YIPF4: variants seen among roughly 807,000 people sequenced by gnomAD.
YIPF4 encodes Yip1 domain family member 4.
In YIPF4, 18 loss-of-function variants were observed where a neutral mutation model predicts 29.4. The ratio of observed to expected loss-of-function variants is 0.61; its 90% CI spans 0.42 to 0.91. The LOEUF (loss-of-function observed/expected upper bound fraction) is 0.91, where lower values mean the gene tolerates loss of function less well. YIPF4 is among the 40% of genes least tolerant of loss of function. The pLI, the probability that YIPF4 is intolerant of heterozygous loss-of-function variation, is 0.00. For missense variants in YIPF4, 279 were observed against 282.7 expected, an observed-to-expected ratio of 0.99 and a Z score of 0.09; for synonymous variants, 115 against 104.7, an observed-to-expected ratio of 1.10 and a Z score of -0.60.
At chr2:32,282,577 C>T (rs1025092180) in intron 1 of YIPF4, among the ~76,000 whole-genome samples, 2 of 151,982 alleles carry the variant, frequency 1.3e-5, no homozygotes, top group East Asian at 2.0e-4. Flanking sequence ...GGATTACAGG[C>T]TCGCGCCACC....
intron 1 of YIPF4, among the ~76,000 whole-genome samples, chr2:32,283,262 A>G (rs1315917641): frequency 6.6e-6 from 1 of 151,748 alleles, no homozygotes; most frequent in Admixed American, 6.6e-5. Flanking sequence ...TTACTGTACA[A>G]CTCCGGGTCT....
chr2:32,292,364 T>C lies in YIPF4; in HGVS notation c.405+16T>C, dbSNP rs149471489. 421 of 1,462,742 alleles carry C rather than the reference T, an allele frequency of 2.9e-4. 3 individuals carry two copies. The African/African-American group carries it at 5.0e-3, about 18-fold the overall frequency. The allele number at this position is 1,462,742 out of a possible 1,614,324, so 90.6% of individuals were successfully genotyped here. A position where few individuals can be genotyped will look rare whatever the true frequency, so the allele number is the denominator to read the frequency against. On this transcript the variant is annotated intron_variant, in intron 3 of 5. Coordinates refer to ENST00000238831, the MANE Select transcript of YIPF4 (RefSeq NM_032312.4). ...ACAGTTTAGGGTAAGTATATCTTATTTTATACAAATTCTAAATATTTTGAG... is the reference window on the plus strand; with the variant it reads ...ACAGTTTAGGGTAAGTATATCTTATCTTATACAAATTCTAAATATTTTGAG...
At position 32,303,418 on chromosome 2, in the gene YIPF4, A is replaced by G. The variant is rs188408234; in HGVS notation, c.597+1923A>G. Among the ~76,000 whole-genome samples, 6 of 152,310 alleles carry G rather than the reference A, an allele frequency of 3.9e-5. No homozygotes were observed. In the East Asian group the frequency reaches 1.2e-3, roughly 29 times the overall value. On this transcript the variant is annotated intron_variant, in intron 5 of 5. Coordinates refer to ENST00000238831, the MANE Select transcript of YIPF4 (RefSeq NM_032312.4). ...TCAAGCTGTTGTTATTACAAATATT[A>G]TAAAATAGGCCAGGTATGGTGGCTT...
intron 3 of YIPF4, among the ~76,000 whole-genome samples, chr2:32,294,736 A>G (rs1485295095): frequency 6.6e-6 from 1 of 152,210 alleles, no homozygotes; most frequent in African/African-American, 2.4e-5. Flanking sequence ...TGGAGGTTGT[A>G]GCGAGCCGAG....
At chr2:32,286,484 C>G (rs965937507) in intron 1 of YIPF4, among the ~76,000 whole-genome samples, 6 of 151,966 alleles carry the variant, frequency 3.9e-5, no homozygotes, top group African/African-American at 1.5e-4. Context: ...CTACTAAAAC[C>G]ATAAACCAGA....
chr2:32,306,071 A>T lies in YIPF4; in HGVS notation c.*445A>T. On this transcript the variant is annotated 3_prime_UTR_variant, in exon 6 of 6. Transcript: ENST00000238831. ...TATTTATATTTATACATATATATTT[A>T]TGAAATAATTCTTACTCACAAAATA... 1.2e-6 allele frequency: 1 copy of T among 807,750 alleles called. No homozygotes were observed. The highest frequency in any genetic ancestry group is 1.5e-6 in the Non-Finnish European group (1 of 668,198). The allele number at this position is 807,750 out of a possible 1,614,324, so 50.0% of individuals were successfully genotyped here.
intron 1 of YIPF4, among the ~76,000 whole-genome samples, chr2:32,279,181 T>C (rs950094889): frequency 6.6e-6 from 1 of 151,640 alleles, no homozygotes; most frequent in African/African-American, 2.4e-5. Context: ...GTGTTAGCCA[T>C]GATGGTCTCT....
chr2:32,294,912 C>CA (rs1191476690), intron 3 of YIPF4, among the ~76,000 whole-genome samples: 1 of 152,228 alleles, frequency 6.6e-6, no homozygotes, highest in Non-Finnish European at 1.5e-5. Context: ...CAAAAAAATA[C>CA]AAAAACCAGT....
Position 32,311,644 on chromosome 2 carries a change from T to A in YIPF4, c.*6018T>A, listed in dbSNP as rs1486250364. 6.6e-6 allele frequency: 1 copy of A among 152,238 alleles called. No homozygotes were observed. Among genetic ancestry groups the A allele is most frequent in the Non-Finnish European group, 1.5e-5 (1 of 68,036 alleles). The allele number at this position is 152,238 out of a possible 1,614,324, so 9.4% of individuals were successfully genotyped here. A position where few individuals can be genotyped will look rare whatever the true frequency, so the allele number is the denominator to read the frequency against. On this transcript the variant is annotated 3_prime_UTR_variant, in exon 6 of 6. Transcript: ENST00000238831. ...TTGTAATTAGTGTATATACAAGTTG[T>A]TAATACTTACGAAAAAAGGAAGCAT...
chr2:32,306,423 T>C lies in YIPF4; in HGVS notation c.*797T>C. The C allele has an allele frequency of 1.0e-6, 1 of 984,308 alleles. No individual in the cohort carries two copies. Among genetic ancestry groups the C allele is most frequent in the Non-Finnish European group, 1.2e-6 (1 of 828,570 alleles). 61.0% of individuals were successfully genotyped at this position (984,308 alleles called of 1,614,324 possible). A position where few individuals can be genotyped will look rare whatever the true frequency, so the allele number is the denominator to read the frequency against. ...ATATGGCATTCATTAAAATCTTTAC[T>C]ATGTACAAAAACAGTAATATTTACA... On this transcript the variant is annotated 3_prime_UTR_variant, in exon 6 of 6. Coordinates refer to ENST00000238831, the MANE Select transcript of YIPF4 (RefSeq NM_032312.4).
chr2:32,299,042 T>G (rs2031300083), intron 4 of YIPF4, among the ~76,000 whole-genome samples: 1 of 152,000 alleles, frequency 6.6e-6, no homozygotes, highest in South Asian at 2.1e-4. Flanking sequence ...CCTGCCCAAC[T>G]AATTTTTGTA....
At chr2:32,305,236 C>G (rs138078050) in intron 5 of YIPF4, among the ~76,000 whole-genome samples, 109 of 152,226 alleles carry the variant, frequency 7.2e-4, no homozygotes, top group African/African-American at 2.5e-3. Flanking sequence ...TCCCCCAAGT[C>G]TTTTTAATAG....
intron 3 of YIPF4, among the ~76,000 whole-genome samples, chr2:32,296,649 T>A (rs2031199126): frequency 6.6e-6 from 1 of 152,232 alleles, no homozygotes; most frequent in African/African-American, 2.4e-5. Flanking sequence ...TATGTGATAC[T>A]GATACGTCTT....
chr2:32,282,993 C>T (rs533835201), intron 1 of YIPF4, among the ~76,000 whole-genome samples: 3 of 149,956 alleles, frequency 2.0e-5, no homozygotes, highest in South Asian at 2.1e-4. Context: ...AGGAGAATGG[C>T]GTGAACCTGG....
intron 4 of YIPF4, among the ~76,000 whole-genome samples, chr2:32,299,968 A>G (rs1032986503): frequency 2.6e-5 from 4 of 151,872 alleles, no homozygotes; most frequent in Non-Finnish European, 5.9e-5. Context: ...CCCCGTCTCT[A>G]CTAAAAATAC....
At chr2:32,288,514 A>G (rs1351779650) in intron 1 of YIPF4, among the ~76,000 whole-genome samples, 3 of 152,194 alleles carry the variant, frequency 2.0e-5, no homozygotes, top group African/African-American at 7.2e-5. Context: ...TCTTGTTAAG[A>G]AAAAACACTC....
rs912472961 is a variant in YIPF4, at chr2:32,305,863, T to G, written c.*237T>G. 3.4e-5 allele frequency: 38 copies of G among 1,132,364 alleles called. No homozygotes were observed. Among genetic ancestry groups the G allele is most frequent in the Non-Finnish European group, 4.0e-5 (37 of 926,514 alleles). The allele number at this position is 1,132,364 out of a possible 1,614,324, so 70.1% of individuals were successfully genotyped here. A position where few individuals can be genotyped will look rare whatever the true frequency, so the allele number is the denominator to read the frequency against. On this transcript the variant is annotated 3_prime_UTR_variant, in exon 6 of 6. Coordinates refer to ENST00000238831, the MANE Select transcript of YIPF4 (RefSeq NM_032312.4). Reference sequence around the variant, plus strand: ...GTTTGATTCTCCATATTCCAGTGAATAAAATACAAAAGCATTGTGTTTTTA... The same window carrying G: ...GTTTGATTCTCCATATTCCAGTGAAGAAAATACAAAAGCATTGTGTTTTTA...
chr2:32,279,798 G>GT (rs1351500026), intron 1 of YIPF4, among the ~76,000 whole-genome samples: 3 of 150,264 alleles, frequency 2.0e-5, no homozygotes, highest in Admixed American at 1.3e-4. Context: ...GTTTGGCATT[G>GT]TTTTTTAAAA....
intron 1 of YIPF4, among the ~76,000 whole-genome samples, chr2:32,289,771 C>G (rs1490985656): frequency 6.6e-6 from 1 of 152,048 alleles, no homozygotes; most frequent in African/African-American, 2.4e-5. Context: ...CTCTTCACCT[C>G]TTGTTAGAGC....
Sources: gnomAD v4.1 joint callset for allele counts (sites outside exome capture counted in the v4.1 genomes callset) on GRCh38, gnomAD v4.1.1 for gene constraint, MANE v1.5 for transcripts, NCBI Gene and HGNC (gene_info 2026-07-23, HGNC 2026-07-21) for gene names.